Variants in EMSY observed in about 807,000 individuals in gnomAD.
EMSY encodes EMSY transcriptional repressor, BRCA2 interacting.
A neutral mutation model predicts 134.6 loss-of-function variants in EMSY; 26 were observed. That is an observed-to-expected ratio of 0.19 (90% CI 0.14 to 0.27). The LOEUF is 0.27. Ranked by LOEUF, EMSY falls within the 10% of genes least tolerant of loss-of-function variation. EMSY has a pLI of 1.00. For missense variants in EMSY, 1,305 were observed against 1,611.4 expected (o/e 0.81, Z 3.26); for synonymous variants, 579 against 577.8 (o/e 1.00, Z -0.03).
exon 19 of EMSY, chr11:76,544,512 A>C: frequency 6.2e-7 from 1 of 1,614,186 alleles, no homozygotes; most frequent in Non-Finnish European, 8.5e-7. Context: ...GACCAGCTCC[A>C]GCACAAACTC....
chr11:76,518,704 T>TATATATATATATATATATA (rs1555068832), intron 11 of EMSY, among the ~76,000 whole-genome samples: 6 of 78,332 alleles, frequency 7.7e-5, no homozygotes, highest in South Asian at 5.4e-4. Context: ...TATATATATA[T>TATATATATATATATATATA]TTTTTTTTTA....
intron 11 of EMSY, among the ~76,000 whole-genome samples, chr11:76,519,954 A>C (rs997354805): frequency 6.6e-6 from 1 of 152,120 alleles, no homozygotes; most frequent in Non-Finnish European, 1.5e-5. Flanking sequence ...GAATATATAC[A>C]TGAGTTTTAT....
chr11:76,479,377 C>A (rs1275605937), intron 8 of EMSY, among the ~76,000 whole-genome samples: 2 of 152,210 alleles, frequency 1.3e-5, no homozygotes. Flanking sequence ...AGTGATATAT[C>A]TTTTCCTTGT....
intron 11 of EMSY, among the ~76,000 whole-genome samples, chr11:76,520,457 AAAG>A (rs1950602175): frequency 6.6e-6 from 1 of 152,170 alleles, no homozygotes; most frequent in Non-Finnish European, 1.5e-5. Context: ...CCATGTCAAA[AAAG>A]GTCTATAGAG....
chr11:76,458,350 G>A (rs2135021559), exon 5 of EMSY: 1 of 1,604,448 alleles, frequency 6.2e-7, no homozygotes, highest in Non-Finnish European at 8.5e-7. Context: ...GAAACAGGAA[G>A]CAAGGAAGGT....
chr11:76,459,598 G>A (rs1433934703), intron 5 of EMSY: 2 of 210,422 alleles, frequency 9.5e-6, no homozygotes, highest in East Asian at 2.1e-4. Context: ...GGGAATACAA[G>A]TAAGTGCCTG....
At chr11:76,508,978 G>T (rs1291251849) in intron 9 of EMSY, among the ~76,000 whole-genome samples, 1 of 152,120 alleles carries the variant, frequency 6.6e-6, no homozygotes, top group African/African-American at 2.4e-5. Context: ...AGTTCGTGAA[G>T]CAGTCAGAGC....
At chr11:76,458,287 A>G (rs762094770) in exon 5 of EMSY, 2 of 1,613,960 alleles carry the variant, frequency 1.2e-6, no homozygotes, top group Non-Finnish European at 1.7e-6. Context: ...GTAACAGCTA[A>G]TGCTGTTGCT....
chr11:76,493,068 C>G (rs182009316), intron 8 of EMSY, among the ~76,000 whole-genome samples: 248 of 152,242 alleles, frequency 1.6e-3, no homozygotes, highest in African/African-American at 5.3e-3. Flanking sequence ...GGAAGCCCCC[C>G]CTTCCCTTGC....
intron 9 of EMSY, among the ~76,000 whole-genome samples, chr11:76,501,556 G>T (rs557748420): frequency 5.8e-4 from 89 of 152,258 alleles, no homozygotes; most frequent in African/African-American, 2.1e-3. Context: ...ACTAAAAAAT[G>T]CACGAGAGGG....
chr11:76,488,293 T>G (rs1050226301), intron 8 of EMSY, among the ~76,000 whole-genome samples: 12 of 152,162 alleles, frequency 7.9e-5, no homozygotes, highest in Non-Finnish European at 1.5e-4. Context: ...TAGCATGACC[T>G]CATCTCTACA....
intron 9 of EMSY, chr11:76,497,162 A>AT (rs1336934337): frequency 6.6e-6 from 1 of 152,400 alleles, no homozygotes; most frequent in Non-Finnish European, 1.5e-5. Context: ...TGTTTAGTCT[A>AT]TTGATATGCT....
chr11:76,537,767 T>A, intron 15 of EMSY, 28 bp from the exon 17 acceptor site: 1 of 1,568,976 alleles, frequency 6.4e-7, no homozygotes. Flanking sequence ...TAATAAAAGT[T>A]AACTTTTCCC....
chr11:76,541,322 G>A (rs1018949821), intron 17 of EMSY, among the ~76,000 whole-genome samples: 1 of 152,094 alleles, frequency 6.6e-6, no homozygotes, highest in South Asian at 2.1e-4. Context: ...TAAGAAGCAG[G>A]GATGTTTCCT....
At chr11:76,481,767 C>T (rs1021631814) in intron 8 of EMSY, among the ~76,000 whole-genome samples, 2 of 152,222 alleles carry the variant, frequency 1.3e-5, no homozygotes, top group Middle Eastern at 3.2e-3. Context: ...ATAGGTAAAA[C>T]ACCCATCTCC....
At chr11:76,466,866 A>G (rs905944856) in intron 7 of EMSY, among the ~76,000 whole-genome samples, 24 of 152,230 alleles carry the variant, frequency 1.6e-4, no homozygotes, top group Admixed American at 1.4e-3. Flanking sequence ...TGAGATGAGA[A>G]TGATGTCATC....
chr11:76,546,221 C>T (rs776753070), exon 20 of EMSY: 25 of 1,613,906 alleles, frequency 1.5e-5, no homozygotes, highest in Non-Finnish European at 1.9e-5. Flanking sequence ...GCAGTGCCTG[C>T]GACAGGCCAG....
At chr11:76,446,319 G>GTGTATATATATATATGTATATATATA in intron 1 of EMSY, among the ~76,000 whole-genome samples, 1 of 114,346 alleles carries the variant, frequency 8.7e-6, no homozygotes, top group South Asian at 3.0e-4. Flanking sequence ...ATATGTGTGT[G>GTGTATATATATATATGTATATATATA]TGTGTATATA....
intron 8 of EMSY, among the ~76,000 whole-genome samples, chr11:76,479,854 A>G (rs1461026277): frequency 6.6e-6 from 1 of 152,234 alleles, no homozygotes; most frequent in Admixed American, 6.5e-5. Flanking sequence ...TCACGTATTG[A>G]AAAAGTGGAT....
Sources: allele counts gnomAD v4.1 joint callset (sites outside exome capture counted in the v4.1 genomes callset), GRCh38; gene constraint gnomAD v4.1.1; transcripts MANE v1.5; gene names NCBI Gene and HGNC (gene_info 2026-07-23, HGNC 2026-07-21).